The following DEUP1 variants were observed in gnomAD, a reference collection of about 807,000 sequenced individuals.
The protein encoded by DEUP1 is deuterosome assembly protein 1, also known as coiled-coil domain containing 67.
A neutral mutation model predicts 87.4 loss-of-function variants in DEUP1; 82 were observed. That is an observed-to-expected ratio of 0.94 (90% CI 0.78 to 1.13). The LOEUF is 1.13. Ranked by LOEUF, DEUP1 falls within the 50% of genes most tolerant of loss-of-function variation. The pLI is 0.00. For synonymous variants in DEUP1, 214 were observed against 222.7 expected (o/e 0.96, Z 0.35); for missense variants, 663 against 681.5 (o/e 0.97, Z 0.30).
At chr11:93,433,099 CTGTT>C (rs1387494435) in intron 13 of DEUP1, among the ~76,000 whole-genome samples, 1 of 152,188 alleles carries the variant, frequency 6.6e-6, no homozygotes, top group East Asian at 1.9e-4. Flanking sequence ...TTACTTGAGT[CTGTT>C]TAAGTCTCAA....
chr11:93,366,160 A>G (rs1475735532), intron 5 of DEUP1, among the ~76,000 whole-genome samples: 1 of 152,224 alleles, frequency 6.6e-6, no homozygotes, highest in Non-Finnish European at 1.5e-5. Flanking sequence ...CTTAAAATAT[A>G]CCAACAAAAA....
chr11:93,392,216 CAA>C (rs1196316731), intron 9 of DEUP1, among the ~76,000 whole-genome samples: 1 of 152,140 alleles, frequency 6.6e-6, no homozygotes, highest in African/African-American at 2.4e-5. Context: ...CAGATTTTTC[CAA>C]TCTCTCTGTA....
In DEUP1 at chr11:93,396,280, A is replaced by T. The variant is rs1191259220; in HGVS notation, c.1281A>T (p.Thr427=). The change falls in exon 11 of 14, where the codon ACA becomes ACT. Residue 427 remains threonine (T), a synonymous_variant. Transcript: ENST00000298050. ...ATAAAGCTGTCAGAACTGAAAACAC[A>T]CATCTAAAAGGAATGATGGGAGATT... ...MKYKAVRTEN[T]HLKGMMGDLD... 1 of 1,587,710 alleles carries T rather than the reference A, an allele frequency of 6.3e-7. No homozygotes were observed. The highest frequency in any genetic ancestry group is 8.6e-7 in the Non-Finnish European group (1 of 1,166,580).
intron 2 of DEUP1, among the ~76,000 whole-genome samples, chr11:93,344,313 T>C (rs1378263019): frequency 1.3e-5 from 2 of 152,202 alleles, no homozygotes; most frequent in Admixed American, 1.3e-4. Context: ...AGTTAAATTA[T>C]ATTAGTATAG....
At chr11:93,434,808 C>A (rs1948196487) in intron 13 of DEUP1, among the ~76,000 whole-genome samples, 1 of 152,170 alleles carries the variant, frequency 6.6e-6, no homozygotes, top group Non-Finnish European at 1.5e-5. Flanking sequence ...ATGTATTCTA[C>A]CCATTGGAAA....
chr11:93,349,886 C>G (rs1413400971), intron 2 of DEUP1, among the ~76,000 whole-genome samples: 4 of 151,978 alleles, frequency 2.6e-5, no homozygotes, highest in Admixed American at 2.0e-4. Flanking sequence ...AGCAGAGACT[C>G]AAAGGGAGGC....
intron 12 of DEUP1, among the ~76,000 whole-genome samples, chr11:93,414,746 T>C (rs565628225): frequency 1.1e-3 from 169 of 152,296 alleles, no homozygotes; most frequent in African/African-American, 3.7e-3. Flanking sequence ...GGAAGCAATA[T>C]AGGCAATAAG....
intron 7 of DEUP1, among the ~76,000 whole-genome samples, chr11:93,376,828 G>GT (rs890852390): frequency 1.3e-4 from 20 of 152,132 alleles, no homozygotes; most frequent in African/African-American, 3.6e-4. Flanking sequence ...TACTATTATC[G>GT]TTCAGTTCAA....
chr11:93,381,962 A>G (rs906204773), intron 7 of DEUP1, among the ~76,000 whole-genome samples: 3 of 152,174 alleles, frequency 2.0e-5, no homozygotes, highest in Non-Finnish European at 4.4e-5. Context: ...TATGCTTCCA[A>G]CATATCTCAT....
chr11:93,391,893 G>A (rs1367699033), intron 9 of DEUP1, among the ~76,000 whole-genome samples: 1 of 152,040 alleles, frequency 6.6e-6, no homozygotes, highest in African/African-American at 2.4e-5. Flanking sequence ...ATTGTCCTCC[G>A]GGTTAGGATA....
chr11:93,360,905 C>CAAAAAAAAAAAAAAAAAAAAAAAACTAAA (rs35572726), intron 4 of DEUP1, among the ~76,000 whole-genome samples: 1 of 82,410 alleles, frequency 1.2e-5, no homozygotes, highest in Non-Finnish European at 2.5e-5. Flanking sequence ...CAAAACTTAG[C>CAAAAAAAAAAAAAAAAAAAAAAAACTAAA]AAAAAAAAAA....
intron 7 of DEUP1, among the ~76,000 whole-genome samples, chr11:93,373,615 A>ATATATATGTGTGTG (rs1316536770): frequency 0.06 from 1,920 of 32,206 alleles, 35 homozygotes; most frequent in Non-Finnish European, 0.11. Flanking sequence ...TTATATATGT[A>ATATATATGTGTGTG]TATATATACG....
At chr11:93,356,823 G>A in intron 3 of DEUP1, 125 bp from the exon 4 acceptor site, 1 of 678,486 alleles carries the variant, frequency 1.5e-6, no homozygotes. Flanking sequence ...AAGAAGTGCA[G>A]TACAAATATT....
At chr11:93,355,242 CTT>C (rs1944840530) in intron 2 of DEUP1, 127 bp from the exon 3 acceptor site, 1 of 834,882 alleles carries the variant, frequency 1.2e-6, no homozygotes, top group African/African-American at 1.7e-5. Flanking sequence ...AGCTTTTGAA[CTT>C]ATTCCTATTT....
intron 5 of DEUP1, among the ~76,000 whole-genome samples, chr11:93,365,575 A>T (rs1419369975): frequency 6.6e-6 from 1 of 152,148 alleles, no homozygotes; most frequent in African/African-American, 2.4e-5. Flanking sequence ...ATTAATAAAA[A>T]TTTTTCAGAC....
intron 2 of DEUP1, among the ~76,000 whole-genome samples, chr11:93,337,562 A>G (rs774694369): frequency 1.3e-5 from 2 of 152,212 alleles, no homozygotes; most frequent in Non-Finnish European, 2.9e-5. Context: ...TCCCCAGAGT[A>G]ATCAAACTGG....
chr11:93,360,797 C>A (rs1396342370), intron 4 of DEUP1, among the ~76,000 whole-genome samples: 1 of 143,794 alleles, frequency 7.0e-6, no homozygotes, highest in Admixed American at 7.3e-5. Flanking sequence ...AGTATGATAA[C>A]AAGCAATTTA....
chr11:93,359,000 T>C (rs1469949442), intron 4 of DEUP1, among the ~76,000 whole-genome samples: 1 of 152,160 alleles, frequency 6.6e-6, no homozygotes, highest in Non-Finnish European at 1.5e-5. Context: ...AGTTTTCTGC[T>C]TCTCTTTTTC....
intron 7 of DEUP1, among the ~76,000 whole-genome samples, chr11:93,373,619 A>ATGTGTGTG (rs1555048226): frequency 3.2e-5 from 1 of 30,970 alleles, no homozygotes; most frequent in South Asian, 1.9e-3. Flanking sequence ...ATATGTATAT[A>ATGTGTGTG]TATACGTATA....
Sources: gnomAD v4.1 joint callset for allele counts (sites outside exome capture counted in the v4.1 genomes callset) on GRCh38, gnomAD v4.1.1 for gene constraint, MANE v1.5 for transcripts, NCBI Gene and HGNC (gene_info 2026-07-23, HGNC 2026-07-21) for gene names.